The following NCOA3 variants were observed in gnomAD, a reference collection of about 807,000 sequenced individuals.
NCOA3 encodes CBP-interacting protein.
A neutral mutation model predicts 158.8 loss-of-function variants in NCOA3; 51 were observed. That is an observed-to-expected ratio of 0.32 (90% CI 0.26 to 0.41). The LOEUF (loss-of-function observed/expected upper bound fraction) is 0.41, where lower values mean the gene tolerates loss of function less well. Ranked by LOEUF, NCOA3 falls within the 10% of genes least tolerant of loss-of-function variation. NCOA3 has a pLI of 1.00. For missense variants in NCOA3, 1,510 were observed against 1,746.6 expected, an observed-to-expected ratio of 0.86 and a Z score of 2.41; for synonymous variants, 537 against 592.4, an observed-to-expected ratio of 0.91 and a Z score of 1.36.
chr20:47,601,109 G>GGA (rs2085854704), intron 2 of NCOA3, among the ~76,000 whole-genome samples: 1 of 152,222 alleles, frequency 6.6e-6, no homozygotes, highest in Admixed American at 6.5e-5. Context: ...TGGGAAGTCT[G>GGA]AGATCTGGTC....
At chr20:47,509,496 T>C (rs2146048031) in intron 1 of NCOA3, among the ~76,000 whole-genome samples, 1 of 152,338 alleles carries the variant, frequency 6.6e-6, no homozygotes, top group Non-Finnish European at 1.5e-5. Context: ...CCTTCTCGTG[T>C]AAGAAAAGCA....
intron 1 of NCOA3, among the ~76,000 whole-genome samples, chr20:47,560,679 A>G (rs567754949): frequency 2.2e-4 from 34 of 152,254 alleles, no homozygotes; most frequent in Admixed American, 9.8e-4. Flanking sequence ...CTTATTTGCT[A>G]TATGTGTATC....
intron 1 of NCOA3, among the ~76,000 whole-genome samples, chr20:47,527,523 T>C (rs2084476401): frequency 6.6e-6 from 1 of 152,210 alleles, no homozygotes; most frequent in Admixed American, 6.6e-5. Flanking sequence ...ATGGGCAGTT[T>C]GTTTATTTAC....
Position 47,639,014 on chromosome 20 carries a change from A to G in NCOA3, c.2519A>G (p.Lys840Arg), listed in dbSNP as rs1227067466. The G allele has an allele frequency of 1.3e-6, 2 of 1,590,884 alleles. No individual in the cohort carries two copies. Among genetic ancestry groups the G allele is most frequent in the Admixed American group, 3.6e-5 (2 of 56,222 alleles). ...VFQGTNSLGL[K>R]SSQSVQSIRP... ...TGTATTGTGTTTTCAACAGGTTTGA[A>G]AAGTTCACAGTCTGTGCAGTCTATT... Residue 840 changes from lysine to arginine, a missense_variant, in exon 14 of 23, where the codon AAA becomes AGA. Physicochemically the swap from Lys to Arg is conservative, Grantham distance 26. Around this residue, in one of 4 missense-constraint regions of NCOA3, gnomAD observed 1,017 missense variants for 1,098.3 expected, o/e 0.93. Transcript: ENST00000371998.
Position 47,639,765 on chromosome 20 carries a change from A to G in NCOA3, c.2896A>G (p.Asn966Asp). 1.1e-5 allele frequency: 17 copies of G among 1,614,226 alleles called. No individual in the cohort carries two copies. Among genetic ancestry groups the G allele is most frequent in the Non-Finnish European group, 1.4e-5 (17 of 1,180,038 alleles). The change falls in exon 15 of 23, where the codon AAT becomes GAT. Residue 966 changes from asparagine (N) to aspartate (D), a missense_variant. Coordinates refer to ENST00000371998, the MANE Select transcript of NCOA3 (RefSeq NM_181659.3). The stretch of plus-strand genomic sequence containing the variant: ...TATTCCCACATTGCCTCTTCGGTCT[A>G]ATAGCATACCAGGTGCGAGACCAGT... ...GSIPTLPLRS[N>D]SIPGARPVLQ...
chr20:47,624,960 A>T (rs2086298627), intron 4 of NCOA3, among the ~76,000 whole-genome samples: 2 of 151,834 alleles, frequency 1.3e-5, no homozygotes, highest in Non-Finnish European at 2.9e-5. Context: ...TTTAGTAGAG[A>T]TGGGGTTTTG....
Position 47,639,820 on chromosome 20 carries a change from T to G in NCOA3, c.2951T>G (p.Met984Arg), listed in dbSNP as rs1299440931. 1 of 1,613,728 alleles carries G rather than the reference T, an allele frequency of 6.2e-7. No homozygotes were observed. The highest frequency in any genetic ancestry group is 1.3e-5 in the African/African-American group (1 of 74,920). Residue 984 changes from methionine (M) to arginine (R), a missense_variant and splice_region_variant, in exon 15 of 23, where the codon ATG becomes AGG. This residue lies in a region of NCOA3 where 1,017 missense variants were observed against 1,098.3 expected (regional missense o/e 0.93). Coordinates refer to ENST00000371998, the MANE Select transcript of NCOA3 (RefSeq NM_181659.3). The stretch of plus-strand genomic sequence containing the variant: ...CAACAGCAGCAGCAGATGCTTCAAA[T>G]GAGTAAGTGTCCACCCTCCCCTCTT... Reference protein sequence around the residue: ...VLQQQQQMLQMRPGEIPMGMG... With the variant: ...VLQQQQQMLQRRPGEIPMGMG...
intron 1 of NCOA3, among the ~76,000 whole-genome samples, chr20:47,561,298 A>T (rs1419052902): frequency 5.4e-4 from 52 of 96,484 alleles, no homozygotes; most frequent in South Asian, 9.6e-4. Flanking sequence ...TTTCAAGTTG[A>T]CTTTTTTTTT....
chr20:47,517,439 T>C (rs997367834), intron 1 of NCOA3, among the ~76,000 whole-genome samples: 9 of 150,218 alleles, frequency 6.0e-5, no homozygotes, highest in Non-Finnish European at 1.0e-4. Flanking sequence ...TCTTTTTTTC[T>C]TTTTTCTTTT....
intron 2 of NCOA3, among the ~76,000 whole-genome samples, chr20:47,594,788 ATTTT>A (rs768342979): frequency 2.1e-4 from 21 of 102,412 alleles, no homozygotes; most frequent in Admixed American, 6.4e-4. Context: ...AGAATACCTG[ATTTT>A]TTTTTTTTTT....
At chr20:47,588,514 T>G (rs1033115667) in intron 2 of NCOA3, among the ~76,000 whole-genome samples, 7 of 152,174 alleles carry the variant, frequency 4.6e-5, no homozygotes, top group Non-Finnish European at 7.3e-5. Context: ...TAAGTTTATT[T>G]ACTTGTTTGC....
chr20:47,646,252 T>C (rs1032999097), intron 17 of NCOA3, among the ~76,000 whole-genome samples: 1 of 152,222 alleles, frequency 6.6e-6, no homozygotes, highest in African/African-American at 2.4e-5. Flanking sequence ...TAGGGAATTA[T>C]TATAAGAAGA....
Position 47,639,969 on chromosome 20 carries a change from C to T in NCOA3, c.2998C>T (p.Gln1000Ter). The change falls in exon 16 of 23, where the codon CAA (glutamine) becomes TAA (stop). Residue 1000 changes from glutamine to a stop codon, truncating the protein, a stop_gained. Coordinates refer to ENST00000371998, the MANE Select transcript of NCOA3 (RefSeq NM_181659.3). LOFTEE classifies it high-confidence loss of function. ...GGGAATGGGGGCTAATCCCTATGGC[C>T]AAGCAGCAGCATCTAACCAACTGGG... ...PMGMGANPYG[Q>*]AAASNQLGSW... 1 of 1,614,154 alleles carries T rather than the reference C, an allele frequency of 6.2e-7. No homozygotes were observed.
chr20:47,511,472 T>G (rs1445612165), intron 1 of NCOA3, among the ~76,000 whole-genome samples: 1 of 122,004 alleles, frequency 8.2e-6, no homozygotes, highest in Non-Finnish European at 1.7e-5. Context: ...TGGAGTGCAG[T>G]GGCGTGTTCT....
intron 1 of NCOA3, among the ~76,000 whole-genome samples, chr20:47,519,135 CAAA>C (rs1175023080): frequency 8.3e-6 from 1 of 121,158 alleles, no homozygotes. Context: ...GACTCCATCT[CAAA>C]AAAAAAAAAG....
chr20:47,645,091 G>A (rs560911856), intron 17 of NCOA3, among the ~76,000 whole-genome samples: 1 of 152,108 alleles, frequency 6.6e-6, no homozygotes, highest in Admixed American at 6.5e-5. Context: ...CATTTTGGGA[G>A]CTGGGCTAGG....
At chr20:47,526,934 C>T (rs1203537903) in intron 1 of NCOA3, among the ~76,000 whole-genome samples, 3 of 152,222 alleles carry the variant, frequency 2.0e-5, no homozygotes, top group African/African-American at 7.2e-5. Context: ...TGAACCACCA[C>T]ATCCAGCCAG....
intron 1 of NCOA3, among the ~76,000 whole-genome samples, chr20:47,553,775 T>C (rs1048283426): frequency 6.6e-6 from 1 of 152,108 alleles, no homozygotes; most frequent in African/African-American, 2.4e-5. Flanking sequence ...ATATGTGCCA[T>C]GTTTTCTTAA....
intron 3 of NCOA3, 81 bp downstream of exon 3, chr20:47,622,411 C>T (rs2086256540): frequency 2.1e-6 from 2 of 949,794 alleles, no homozygotes; most frequent in Non-Finnish European, 1.6e-6. Context: ...TTGCCATTTA[C>T]ATTCTCTGGT....
Sources: allele counts gnomAD v4.1 joint callset (sites outside exome capture counted in the v4.1 genomes callset), GRCh38; gene constraint gnomAD v4.1.1; regional missense constraint gnomAD v4.1.1; transcripts MANE v1.5; gene names NCBI Gene and HGNC (gene_info 2026-07-23, HGNC 2026-07-21).